RC3H1: variants seen among roughly 807,000 people sequenced by gnomAD.
RC3H1 encodes roquin-1.
Under a neutral mutation model 138.2 loss-of-function variants are expected in RC3H1, and 50 were observed. The ratio of observed to expected loss-of-function variants is 0.36; its 90% CI spans 0.29 to 0.46. The LOEUF is 0.46. Ranked by LOEUF, RC3H1 falls within the 20% of genes least tolerant of loss-of-function variation. RC3H1 has a pLI of 1.00. For missense variants in RC3H1, 1,031 were observed against 1,388.1 expected, an observed-to-expected ratio of 0.74 and a Z score of 4.09; for synonymous variants, 462 against 489.1, an observed-to-expected ratio of 0.94 and a Z score of 0.73.
chr1:173,980,740 T>A, intron 6 of RC3H1, 69 bp downstream of exon 6: 1 of 1,179,040 alleles, frequency 8.5e-7, no homozygotes, highest in Non-Finnish European at 1.2e-6. Flanking sequence ...CACTTTAATA[T>A]ACATTTGTTA....
chr1:173,970,895 C>A (rs1373333909), intron 8 of RC3H1, among the ~76,000 whole-genome samples: 1 of 150,924 alleles, frequency 6.6e-6, no homozygotes, highest in Non-Finnish European at 1.5e-5. Flanking sequence ...ATCTCATGGG[C>A]ATTCTTATAC....
intron 5 of RC3H1, 29 bp from the exon 6 acceptor site, chr1:173,981,038 A>G: frequency 3.8e-6 from 6 of 1,587,256 alleles, no homozygotes; most frequent in Non-Finnish European, 5.2e-6. Flanking sequence ...TCTCATAATG[A>G]AGTCAAAAAA....
chr1:174,017,897 A>AATAAT (rs1661891605), intron 1 of RC3H1, among the ~76,000 whole-genome samples: 1 of 119,226 alleles, frequency 8.4e-6, no homozygotes, highest in African/African-American at 6.0e-5. Context: ...ACATGTGCAC[A>AATAAT]GTAATAATCA....
chr1:173,942,085 A>G (rs1037019650), intron 18 of RC3H1, among the ~76,000 whole-genome samples: 3 of 151,488 alleles, frequency 2.0e-5, no homozygotes, highest in Non-Finnish European at 4.4e-5. Flanking sequence ...CTAAAAATAT[A>G]AAAAAAATTG....
In RC3H1 at chr1:173,936,515, A is replaced by C. The variant is rs1459104263; in HGVS notation, c.*2206T>G. The C allele has an allele frequency of 2.2e-5, 2 of 90,592 alleles. No homozygotes were observed. Among genetic ancestry groups the C allele is most frequent in the East Asian group, 3.6e-4 (1 of 2,752 alleles). The allele number at this position is 90,592 out of a possible 1,614,324, so 5.6% of individuals were successfully genotyped here. A position where few individuals can be genotyped will look rare whatever the true frequency, so the allele number is the denominator to read the frequency against. ...GGCAACAGAAGCAGACTCCCTCTCC[A>C]AAAAAAAAAAAAAAAAAAAAAAAAG... On this transcript the variant is annotated 3_prime_UTR_variant, in exon 20 of 20. Transcript: ENST00000367696.
intron 17 of RC3H1, 88 bp downstream of exon 17, chr1:173,946,388 T>A: frequency 7.9e-7 from 1 of 1,272,796 alleles, no homozygotes; most frequent in Non-Finnish European, 1.1e-6. Flanking sequence ...ACCTTAAAGT[T>A]TTTTGTTCAC....
intron 1 of RC3H1, among the ~76,000 whole-genome samples, chr1:174,019,749 G>A (rs1661924098): frequency 6.6e-6 from 1 of 152,030 alleles, no homozygotes; most frequent in Non-Finnish European, 1.5e-5. Context: ...TGATACTGAA[G>A]AAGGGACAGT....
chr1:173,966,598 C>T (rs1660128576), intron 9 of RC3H1, among the ~76,000 whole-genome samples: 2 of 151,912 alleles, frequency 1.3e-5, no homozygotes, highest in Non-Finnish European at 2.9e-5. Context: ...ACCTGTAGTC[C>T]CAGCTACTCA....
In RC3H1 at chr1:173,961,473, T is replaced by C. The variant is rs144618049; in HGVS notation, c.2203-229A>G. 1.2e-3 allele frequency among the ~76,000 whole-genome samples: 175 copies of C among 151,798 alleles called. 1 individual carries two copies. The highest frequency in any genetic ancestry group is 4.1e-3 in the African/African-American group (171 of 41,392). ...TATTTGGTCATAATTACCAAGTAGA[T>C]CTAGAATTGTTAATTAAACCATCTA... On this transcript the variant is annotated intron_variant, in intron 12 of 19. Coordinates refer to ENST00000367696, the MANE Select transcript of RC3H1 (RefSeq NM_172071.4).
rs1660050430 is a variant in RC3H1, at chr1:173,965,051, C to A, written c.1404G>T (p.Glu468Asp). 1 of 1,614,176 alleles carries A rather than the reference C, an allele frequency of 6.2e-7. No individual in the cohort carries two copies. Residue 468 changes from glutamate to aspartate, a missense_variant, in exon 10 of 20, where the codon GAG becomes GAT. This residue lies in a region of RC3H1 where 716 missense variants were observed against 837.9 expected (regional missense o/e 0.85). Coordinates refer to ENST00000367696, the MANE Select transcript of RC3H1 (RefSeq NM_172071.4). ...PLSASLGQLNEVGLPSAAILP... is the reference protein window; with the variant it reads ...PLSASLGQLNDVGLPSAAILP... ...GGATAGCTGCTGAAGGCAGGCCCACCTCATTAAGTTGACCCAAAGAGGCAC... is the reference window on the plus strand; with the variant it reads ...GGATAGCTGCTGAAGGCAGGCCCACATCATTAAGTTGACCCAAAGAGGCAC...
intron 14 of RC3H1, among the ~76,000 whole-genome samples, chr1:173,949,453 C>T (rs192836436): frequency 4.2e-4 from 64 of 151,888 alleles, no homozygotes; most frequent in African/African-American, 1.5e-3. Flanking sequence ...ACTGCAACCT[C>T]TGCCTCCCAG....
rs1660908870 is a variant in RC3H1 at position 173,983,635 on chromosome 1, A to C, written c.375T>G (p.Thr125=). 2 of 1,614,058 alleles carry C rather than the reference A, an allele frequency of 1.2e-6. No individual in the cohort carries two copies. Among genetic ancestry groups the C allele is most frequent in the Non-Finnish European group, 8.5e-7 (1 of 1,180,038 alleles). Residue 125 remains threonine (T), a synonymous_variant, in exon 4 of 20, where the codon ACT becomes ACG. Coordinates refer to ENST00000367696, the MANE Select transcript of RC3H1 (RefSeq NM_172071.4). The stretch of plus-strand genomic sequence containing the variant: ...GCATTGGGCGACTCAGAACACTCTG[A>C]GTAGTGCTGTTCAGACCCACTCCTT... ...SARGVGLNST[T]QSVLSRPMQR... is the part of the protein sequence containing the mutation.
intron 1 of RC3H1, among the ~76,000 whole-genome samples, chr1:174,017,784 A>C (rs1045336670): frequency 1.2e-3 from 37 of 32,012 alleles, no homozygotes; most frequent in African/African-American, 7.5e-3. Context: ...TTTCTTGCTC[A>C]AAAAAAAAAA....
chr1:173,934,759 T>C lies in RC3H1; in HGVS notation c.*3962A>G, dbSNP rs1056062058. The C allele has an allele frequency of 6.6e-6, 1 of 152,090 alleles. No individual in the cohort carries two copies. Among genetic ancestry groups the C allele is most frequent in the African/African-American group, 2.4e-5 (1 of 41,404 alleles). 9.4% of individuals were successfully genotyped at this position (152,090 alleles called of 1,614,324 possible). On this transcript the variant is annotated 3_prime_UTR_variant, in exon 20 of 20. Coordinates refer to ENST00000367696, the MANE Select transcript of RC3H1 (RefSeq NM_172071.4). ...CTGTTTTGAGGCAGCAAACTGTCAC[T>C]GTTGCAGATTGGGGAGGGCAGTGGG...
At chr1:173,951,874 T>C in intron 14 of RC3H1, 112 bp downstream of exon 14, 1 of 922,900 alleles carries the variant, frequency 1.1e-6, no homozygotes, top group Non-Finnish European at 1.6e-6. Context: ...GTATAGAATA[T>C]GGTCTGAAAC....
Position 173,938,828 on chromosome 1 carries a change from G to A in RC3H1, c.3295C>T (p.Leu1099Phe), listed in dbSNP as rs1658705831. The change falls in exon 20 of 20, where the codon CTC (leucine) becomes TTC (phenylalanine). Residue 1099 changes from leucine to phenylalanine, a missense_variant. Leu to Phe is a conservative substitution (Grantham distance 22, BLOSUM62 0). Transcript: ENST00000367696. ...GSALTQENISLLSNKTSSLNL... is the reference protein window; with the variant it reads ...GSALTQENISFLSNKTSSLNL... ...AGAGAGCTGGTCTTGTTTGATAGGA[G>A]GCTGATATTCTCTTGTGTCAAGGCT... 6.2e-7 allele frequency: 1 copy of A among 1,613,388 alleles called. No individual in the cohort carries two copies. Among genetic ancestry groups the A allele is most frequent in the African/African-American group, 1.3e-5 (1 of 74,908 alleles).
chr1:173,938,536 G>T lies in RC3H1; in HGVS notation c.*185C>A, dbSNP rs1474376092. The T allele has an allele frequency of 7.2e-6, 3 of 416,530 alleles. No homozygotes were observed. Among genetic ancestry groups the T allele is most frequent in the Non-Finnish European group, 8.5e-6 (2 of 234,614 alleles). The allele number at this position is 416,530 out of a possible 1,614,324, so 25.8% of individuals were successfully genotyped here. On this transcript the variant is annotated 3_prime_UTR_variant, in exon 20 of 20. Coordinates refer to ENST00000367696, the MANE Select transcript of RC3H1 (RefSeq NM_172071.4). Reference sequence around the variant, plus strand: ...TTCTTTTTCTTTAAATTAAAAAAATGCATTAATGTGAACTATGTGCAGGGT... The same window carrying T: ...TTCTTTTTCTTTAAATTAAAAAAATTCATTAATGTGAACTATGTGCAGGGT...
chr1:173,996,787 C>G (rs1661469263), intron 1 of RC3H1, among the ~76,000 whole-genome samples: 1 of 152,200 alleles, frequency 6.6e-6, no homozygotes, highest in Non-Finnish European at 1.5e-5. Flanking sequence ...CTCACTTTCC[C>G]TCAGAGACCC....
intron 1 of RC3H1, among the ~76,000 whole-genome samples, chr1:173,997,411 ATAT>A (rs1661482496): frequency 6.6e-6 from 1 of 152,202 alleles, no homozygotes; most frequent in African/African-American, 2.4e-5. Context: ...ATTTGTCCTA[ATAT>A]TATTAATCTT....
Sources: allele counts gnomAD v4.1 joint callset (sites outside exome capture counted in the v4.1 genomes callset), GRCh38; gene constraint gnomAD v4.1.1; regional missense constraint gnomAD v4.1.1; transcripts MANE v1.5; gene names NCBI Gene and HGNC (gene_info 2026-07-23, HGNC 2026-07-21).